Variants in OR3A3 observed in about 807,000 individuals in gnomAD.
OR3A3 encodes the protein olfactory receptor 3A3.
For synonymous variants in OR3A3, 103 were observed against 163.9 expected, an observed-to-expected ratio of 0.63 and a Z score of 2.84; for missense variants, 275 against 391.4, an observed-to-expected ratio of 0.70 and a Z score of 2.51.
At chr17:3,421,631 G>C in exon 3 of OR3A3, 2 of 1,343,624 alleles carry the variant, frequency 1.5e-6, no homozygotes, top group Non-Finnish European at 2.0e-6. Flanking sequence ...TCTATCTCCT[G>C]ATGCCTGAGG....
At chr17:3,420,020 G>A (rs1479278714) in intron 2 of OR3A3, among the ~76,000 whole-genome samples, 1 of 152,084 alleles carries the variant, frequency 6.6e-6, no homozygotes, top group Non-Finnish European at 1.5e-5. Context: ...GCCTGCCTTG[G>A]CCTCCCAAAG....
At chr17:3,411,798 C>T (rs1371510927) in intron 1 of OR3A3, among the ~76,000 whole-genome samples, 180 bp from the exon 2 acceptor site, 2 of 152,228 alleles carry the variant, frequency 1.3e-5, no homozygotes, top group Admixed American at 6.5e-5. Context: ...CAGTGACCCA[C>T]ATTAAGCAGA....
chr17:3,418,157 A>G (rs2072403422), intron 2 of OR3A3, among the ~76,000 whole-genome samples: 1 of 152,148 alleles, frequency 6.6e-6, no homozygotes, highest in Admixed American at 6.5e-5. Flanking sequence ...GCTCTATGCC[A>G]CAATTTTTCT....
chr17:3,422,345 G>A (rs1422951669), exon 3 of OR3A3: 5 of 152,060 alleles, frequency 3.3e-5, no homozygotes, highest in Non-Finnish European at 4.4e-5. Context: ...CATCCCCTGC[G>A]GTATCTTTCT....
rs983982516 is a variant in OR3A3 at position 3,419,370 on chromosome 17, C to G, written c.-6-1210C>G. The stretch of plus-strand genomic sequence containing the variant: ...TTCTCTGAAACTCTCATGAATTTTT[C>G]TATTTTGAAGTCTGCTTATTGGTCT... On this transcript the variant is annotated intron_variant, in intron 2 of 2. Transcript: ENST00000641141. Among the ~76,000 whole-genome samples the G allele has an allele frequency of 2.7e-4, 41 of 152,140 alleles. 1 individual carries two copies. The highest frequency in any genetic ancestry group is 9.2e-4 in the African/African-American group (38 of 41,444).
In OR3A3 at chr17:3,413,841, A is replaced by C. The variant is rs1439227273; in HGVS notation, c.-7+1670A>C. On this transcript the variant is annotated intron_variant, in intron 2 of 2. Transcript: ENST00000641141. The stretch of plus-strand genomic sequence containing the variant: ...ATCTCAAAAAAAAACAAAAAAACAA[A>C]AAACAAAAAAAAAAAACTTTAAGGA... Among the ~76,000 whole-genome samples the C allele has an allele frequency of 3.4e-5, 5 of 145,454 alleles. No homozygotes were observed. In the East Asian group the frequency reaches 7.8e-4, roughly 23 times the overall value.
chr17:3,419,729 C>CTT (rs564569456), intron 2 of OR3A3, among the ~76,000 whole-genome samples: 102 of 98,860 alleles, frequency 1.0e-3, no homozygotes, highest in East Asian at 1.4e-3. Flanking sequence ...AAAATTCTAT[C>CTT]TTTTTTTTTT....
At position 3,413,975 on chromosome 17, in the gene OR3A3, C is replaced by T. The variant is rs144330262; in HGVS notation, c.-7+1804C>T. ...AGACCTCATTTGGAAGGCTGGTCAT[C>T]GAGACAGCCTCACATTGGAGACATC... On this transcript the variant is annotated intron_variant, in intron 2 of 2. Transcript: ENST00000641141. 8.5e-3 allele frequency among the ~76,000 whole-genome samples: 1,291 copies of T among 152,268 alleles called. 17 individuals carry two copies. Among genetic ancestry groups the T allele is most frequent in the African/African-American group, 0.029 (1,195 of 41,528 alleles).
chr17:3,423,911 C>T (rs1039348057), exon 3 of OR3A3: 2 of 150,150 alleles, frequency 1.3e-5, no homozygotes, highest in African/African-American at 2.5e-5. Flanking sequence ...CCCGCCTACA[C>T]TCCAGCCTGG....
At chr17:3,417,393 TCTC>T (rs575658977) in intron 2 of OR3A3, among the ~76,000 whole-genome samples, 125 of 152,302 alleles carry the variant, frequency 8.2e-4, no homozygotes, top group African/African-American at 2.8e-3. Flanking sequence ...TGTTCTTTCT[TCTC>T]CTCTTAACTT....
chr17:3,418,288 C>G (rs16953018), intron 2 of OR3A3, among the ~76,000 whole-genome samples: 4 of 151,878 alleles, frequency 2.6e-5, no homozygotes, highest in Non-Finnish European at 2.9e-5. Context: ...CTAAATGAAT[C>G]GAAAGGTTTC....
intron 2 of OR3A3, among the ~76,000 whole-genome samples, chr17:3,419,004 T>C (rs2072409219): frequency 1.3e-5 from 2 of 152,198 alleles, no homozygotes; most frequent in East Asian, 1.9e-4. Context: ...GAACCCTAAC[T>C]GCACCTGGCA....
rs187198627 is a variant in OR3A3, at chr17:3,414,467, C to T, written c.-7+2296C>T. ...AGAGCATCAGCGAGGAATGAATGCC[C>T]GGTGGATTTCCTAACATCTTTACAA... On this transcript the variant is annotated intron_variant, in intron 2 of 2. Transcript: ENST00000641141. Among the ~76,000 whole-genome samples the T allele has an allele frequency of 2.0e-3, 303 of 152,184 alleles. 2 individuals are homozygous for T. The highest frequency in any genetic ancestry group is 7.1e-3 in the African/African-American group (294 of 41,528).
chr17:3,413,684 G>A (rs1196480883), intron 2 of OR3A3, among the ~76,000 whole-genome samples: 1 of 151,830 alleles, frequency 6.6e-6, no homozygotes, highest in Non-Finnish European at 1.5e-5. Context: ...GTGGTGGCAG[G>A]CACCTGTAGT....
chr17:3,418,416 G>A (rs2072405330), intron 2 of OR3A3, among the ~76,000 whole-genome samples: 1 of 152,114 alleles, frequency 6.6e-6, no homozygotes. Flanking sequence ...CACAGCTGAG[G>A]AACTGCTGAC....
chr17:3,421,251 C>T, exon 3 of OR3A3: 1 of 1,614,192 alleles, frequency 6.2e-7, no homozygotes, highest in Non-Finnish European at 8.5e-7. Context: ...TGTCCTATGC[C>T]CATGTGGTAG....
intron 2 of OR3A3, among the ~76,000 whole-genome samples, chr17:3,414,109 T>C (rs997738292): frequency 6.6e-6 from 1 of 151,644 alleles, no homozygotes; most frequent in African/African-American, 2.4e-5. Flanking sequence ...TCAGACGGAG[T>C]CGCCCAGGCT....
At chr17:3,421,646 G>A in exon 3 of OR3A3, 1 of 1,210,232 alleles carries the variant, frequency 8.3e-7, no homozygotes, top group Non-Finnish European at 1.1e-6. Flanking sequence ...CTGAGGAGTG[G>A]TGTTATGTGT....
rs1479722977 is a variant in OR3A3, at chr17:3,421,432, G to C, written c.847G>C (p.Val283Leu). Residue 283 changes from valine to leucine, a missense_variant, in exon 3 of 3, where the codon GTG becomes CTG. Transcript: ENST00000641141. ...TAAGGGGGTTGGGGTTTTCATGACT[G>C]TGATCAACCCCATGCTGAACCCACT... 2.5e-6 allele frequency: 4 copies of C among 1,610,842 alleles called. No individual in the cohort carries two copies. The Admixed American group carries it at 6.7e-5, about 27-fold the overall frequency.
Sources: allele counts gnomAD v4.1 joint callset (sites outside exome capture counted in the v4.1 genomes callset), GRCh38; gene constraint gnomAD v4.1.1; transcripts MANE v1.5; gene names NCBI Gene and HGNC (gene_info 2026-07-23, HGNC 2026-07-21).